ENKUR: variants seen among roughly 807,000 people sequenced by gnomAD.
ENKUR encodes the protein enkurin, TRPC channel interacting protein, also known as enkurin.
A neutral mutation model predicts 27.6 loss-of-function variants in ENKUR; 19 were observed. That is an observed-to-expected ratio of 0.69 (90% CI 0.48 to 1.01). The LOEUF is 1.01. Ranked by LOEUF, ENKUR falls within the 50% of genes least tolerant of loss-of-function variation. The pLI, the probability that ENKUR is intolerant of heterozygous loss-of-function variation, is 0.00. For missense variants in ENKUR, 312 were observed against 310.5 expected (o/e 1.00, Z -0.04); for synonymous variants, 117 against 96.9 (o/e 1.21, Z -1.22).
At position 24,984,278 on chromosome 10, in the gene ENKUR, A is replaced by G. The variant is rs1162159365; in HGVS notation, c.*92T>C. 1 of 1,378,610 alleles carries G rather than the reference A, an allele frequency of 7.3e-7. No individual in the cohort carries two copies. The highest frequency in any genetic ancestry group is 2.3e-5 in the East Asian group (1 of 42,956). The allele number at this position is 1,378,610 out of a possible 1,614,324, so 85.4% of individuals were successfully genotyped here. ...TTTGCATTTGTGGAGCTCAGAAACA[A>G]TGTGTTGGAGACAGTTTAGAGTAGC... On this transcript the variant is annotated 3_prime_UTR_variant, in exon 6 of 6. Coordinates refer to ENST00000331161, the MANE Select transcript of ENKUR (RefSeq NM_145010.4).
chr10:25,022,046 G>A (rs1038460323), intron 2 of ENKUR: 1 of 152,008 alleles, frequency 6.6e-6, no homozygotes, highest in African/African-American at 2.4e-5. Flanking sequence ...TATTTAATAT[G>A]GTTTAGTTGC....
chr10:25,024,660 G>C, intron 2 of ENKUR: 1 of 1,614,220 alleles, frequency 6.2e-7, no homozygotes, highest in Non-Finnish European at 8.5e-7. Flanking sequence ...TACTTCCGCA[G>C]GTAGTTTATC....
intron 4 of ENKUR, among the ~76,000 whole-genome samples, chr10:24,985,791 T>C (rs1308634943): frequency 6.6e-6 from 1 of 152,192 alleles, no homozygotes; most frequent in Non-Finnish European, 1.5e-5. Context: ...GATTATTTTA[T>C]TTACACAAAA....
intron 2 of ENKUR, among the ~76,000 whole-genome samples, chr10:25,033,865 A>G (rs1160233322): frequency 6.8e-6 from 1 of 146,850 alleles, no homozygotes; most frequent in Non-Finnish European, 1.5e-5. Flanking sequence ...CTATCTATCT[A>G]TCAATCATCT....
intron 2 of ENKUR, among the ~76,000 whole-genome samples, chr10:25,054,505 CTTTCTTTCCTTT>C (rs1228796572): frequency 1.9e-3 from 228 of 117,220 alleles, no homozygotes; most frequent in Middle Eastern, 4.2e-3. Flanking sequence ...TTCTTTCTTT[CTTTCTTTCCTTT>C]CTTTCTTTCT....
At chr10:25,054,069 A>C (rs189778343) in intron 2 of ENKUR, among the ~76,000 whole-genome samples, 4 of 152,310 alleles carry the variant, frequency 2.6e-5, no homozygotes, top group Non-Finnish European at 5.9e-5. Context: ...ACTTTTCCTG[A>C]CTGCAAACGT....
rs112816834 is a variant in ENKUR, at chr10:25,015,893, G to A, written c.44C>T (p.Pro15Leu). ...CSSECIYNLIPSDLKEPPQPP... is the reference protein window; with the variant it reads ...CSSECIYNLILSDLKEPPQPP... The stretch of plus-strand genomic sequence containing the variant: ...CTGGGGAGGCTCCTTCAAGTCACTG[G>A]GTATGAGGTTATAAATGCACTCAGA... Residue 15 changes from proline (P) to leucine (L), a missense_variant, in exon 1 of 6, where the codon CCC becomes CTC. Pro to Leu is a moderately conservative substitution (Grantham distance 98). Transcript: ENST00000331161. 5.1e-5 allele frequency: 82 copies of A among 1,607,050 alleles called. No homozygotes were observed. In the African/African-American group the frequency reaches 8.3e-4, roughly 16 times the overall value.
At chr10:24,999,781 A>T (rs566943628) in intron 1 of ENKUR, among the ~76,000 whole-genome samples, 1 of 152,278 alleles carries the variant, frequency 6.6e-6, no homozygotes, top group African/African-American at 2.4e-5. Context: ...TTTCCTTATT[A>T]TCCTTTGAAC....
intron 1 of ENKUR, among the ~76,000 whole-genome samples, chr10:25,003,427 G>A (rs892943880): frequency 2.6e-5 from 4 of 152,166 alleles, no homozygotes; most frequent in Non-Finnish European, 5.9e-5. Flanking sequence ...GGCTGGTCTG[G>A]AAATCCTGGC....
chr10:25,052,513 C>T (rs890373392), intron 2 of ENKUR, among the ~76,000 whole-genome samples: 1 of 152,142 alleles, frequency 6.6e-6, no homozygotes, highest in Non-Finnish European at 1.5e-5. Context: ...CTCAGTGGCT[C>T]ATGCCTGTAA....
At chr10:25,052,366 C>T (rs1350781895) in intron 2 of ENKUR, among the ~76,000 whole-genome samples, 1 of 152,078 alleles carries the variant, frequency 6.6e-6, no homozygotes, top group Non-Finnish European at 1.5e-5. Flanking sequence ...TTAACATATT[C>T]TTGTTTAAGT....
At chr10:25,011,931 C>T (rs1275754778) in intron 1 of ENKUR, among the ~76,000 whole-genome samples, 1 of 152,202 alleles carries the variant, frequency 6.6e-6, no homozygotes, top group Non-Finnish European at 1.5e-5. Flanking sequence ...TCCACAGCAG[C>T]CCCTCCCATC....
rs117110343 is a variant in ENKUR, at chr10:24,986,878, G to C, written c.595-1973C>G. On this transcript the variant is annotated intron_variant, in intron 4 of 5. Coordinates refer to ENST00000331161, the MANE Select transcript of ENKUR (RefSeq NM_145010.4). ...GCAGCAATAGTGATTTTCCCTTATT[G>C]TTAATTCTTAATTTTCCTCTCTTCT... Among the ~76,000 whole-genome samples, 1,143 of 152,162 alleles carry C rather than the reference G, an allele frequency of 7.5e-3. 41 individuals are homozygous for C. Among genetic ancestry groups the C allele is most frequent in the East Asian group, 0.074 (383 of 5,170 alleles).
rs1027068510 is a variant in ENKUR, at chr10:25,061,077, T to G, written c.37+35A>C. 18 of 1,534,880 alleles carry G rather than the reference T, an allele frequency of 1.2e-5. No individual in the cohort carries two copies. The African/African-American group carries it at 2.5e-4, about 21-fold the overall frequency. ...CCCCCTATTAGGCTGGCTGCCCAGA[T>G]GCAAAACCTGTGAACACAAGAATGT... is the stretch of plus-strand genomic sequence containing the variant. On this transcript the variant is annotated intron_variant, in intron 2 of 5. Coordinates refer to the ENKUR transcript ENST00000615958.
At chr10:25,047,629 G>T (rs1248666164) in intron 2 of ENKUR, among the ~76,000 whole-genome samples, 1 of 152,182 alleles carries the variant, frequency 6.6e-6, no homozygotes, top group Non-Finnish European at 1.5e-5. Context: ...GAATAAGGTA[G>T]ACTTGCCTGT....
intron 1 of ENKUR, among the ~76,000 whole-genome samples, chr10:25,006,388 T>C (rs1223239005): frequency 1.3e-5 from 2 of 152,172 alleles, no homozygotes; most frequent in Non-Finnish European, 2.9e-5. Context: ...CCGAGAACAT[T>C]TGTGCTCCTC....
intron 2 of ENKUR, among the ~76,000 whole-genome samples, chr10:25,043,206 G>A (rs1277012098): frequency 2.0e-5 from 3 of 152,004 alleles, no homozygotes; most frequent in Non-Finnish European, 4.4e-5. Flanking sequence ...AGAATAAAAG[G>A]AAGTGCTTTT....
Position 25,026,450 on chromosome 10 carries a change from T to C in ENKUR, c.38-30581A>G, listed in dbSNP as rs530767274. On this transcript the variant is annotated intron_variant, in intron 2 of 5. Transcript: ENST00000615958. ...AGTAGTCTCAATAGGAGTGTATTTG[T>C]AGACAGCAGTTTCCCTATATTATTT... 8.4e-5 allele frequency: 14 copies of C among 167,228 alleles called. No homozygotes were observed. The South Asian group carries it at 2.9e-3, about 35-fold the overall frequency. 10.4% of individuals were successfully genotyped at this position (167,228 alleles called of 1,614,324 possible).
Position 24,982,780 on chromosome 10 carries a change from A to G in ENKUR, c.*1590T>C, listed in dbSNP as rs958740333. On this transcript the variant is annotated 3_prime_UTR_variant, in exon 6 of 6. Coordinates refer to ENST00000331161, the MANE Select transcript of ENKUR (RefSeq NM_145010.4). ...TTTCCCTCTGAAGGCTCTGTGAAAG[A>G]AAGGCAACAATGTTCATCTAGGACA... The G allele has an allele frequency of 2.0e-5, 3 of 152,244 alleles. No individual in the cohort carries two copies. The highest frequency in any genetic ancestry group is 4.8e-5 in the African/African-American group (2 of 41,466). The allele number at this position is 152,244 out of a possible 1,614,324, so 9.4% of individuals were successfully genotyped here.
Sources: gnomAD v4.1 joint callset for allele counts (sites outside exome capture counted in the v4.1 genomes callset) on GRCh38, gnomAD v4.1.1 for gene constraint, MANE v1.5 for transcripts, NCBI Gene and HGNC (gene_info 2026-07-23, HGNC 2026-07-21) for gene names.